ZNF845: variants seen among roughly 807,000 people sequenced by gnomAD.
ZNF845 encodes zinc finger protein 845.
In ZNF845, 59 loss-of-function variants were observed where a neutral mutation model predicts 76.1. The ratio of observed to expected loss-of-function variants is 0.78; its 90% CI spans 0.63 to 0.96. The LOEUF (loss-of-function observed/expected upper bound fraction) is 0.96. Ranked by LOEUF, ZNF845 falls within the 40% of genes least tolerant of loss-of-function variation. ZNF845 has a pLI of 0.00. For missense variants in ZNF845, 1,045 were observed against 1,172.8 expected, an observed-to-expected ratio of 0.89 and a Z score of 1.59; for synonymous variants, 361 against 386.9, an observed-to-expected ratio of 0.93 and a Z score of 0.78.
rs2085377260 is a variant in ZNF845, at chr19:53,355,270, A to T, written c.*1682A>T. On this transcript the variant is annotated 3_prime_UTR_variant, in exon 4 of 4. Coordinates refer to ENST00000458035, the MANE Select transcript of ZNF845 (RefSeq NM_138374.3). ...CAAGGAAATAATTTTTTTTTTTGAG[A>T]CAATGTCTCTCTCTGTCGCCAGGCT... is the stretch of plus-strand genomic sequence containing the variant. 1 of 151,300 alleles carries T rather than the reference A, an allele frequency of 6.6e-6. No individual in the cohort carries two copies. The highest frequency in any genetic ancestry group is 1.5e-5 in the Non-Finnish European group (1 of 67,816). 9.4% of individuals were successfully genotyped at this position (151,300 alleles called of 1,614,324 possible).
At chr19:53,346,295 A>T (rs1436993635) in intron 3 of ZNF845, 1 of 351,662 alleles carries the variant, frequency 2.8e-6, no homozygotes, top group East Asian at 1.2e-4. Flanking sequence ...CTCCCTTCTT[A>T]TTGACTTTTG....
intron 1 of ZNF845, 79 bp from the exon 2 acceptor site, chr19:53,341,156 T>C: frequency 2.4e-6 from 3 of 1,260,808 alleles, no homozygotes; most frequent in Non-Finnish European, 3.3e-6. Context: ...CAGGGTGAGG[T>C]CTCCTTTGTA....
At chr19:53,344,521 G>C (rs1489488118) in intron 2 of ZNF845, among the ~76,000 whole-genome samples, 1 of 151,956 alleles carries the variant, frequency 6.6e-6, no homozygotes, top group Non-Finnish European at 1.5e-5. Flanking sequence ...CTGGGTGACA[G>C]AGCGAGACTC....
Position 53,350,829 on chromosome 19 carries a change from A to G in ZNF845, c.154A>G (p.Lys52Glu). 6.2e-7 allele frequency: 1 copy of G among 1,613,564 alleles called. No individual in the cohort carries two copies. Among genetic ancestry groups the G allele is most frequent in the South Asian group, 1.1e-5 (1 of 90,902 alleles). Residue 52 changes from lysine (K) to glutamate (E), a missense_variant, in exon 4 of 4, where the codon AAA (lysine) becomes GAA (glutamate). Coordinates refer to ENST00000458035, the MANE Select transcript of ZNF845 (RefSeq NM_138374.3). ...TTTATATTTTCTAGATATCTCTTCC[A>G]AATGCATGATGAAGGAGTTCTCATC... is the stretch of plus-strand genomic sequence containing the variant. ...RNLVSLDISS[K>E]CMMKEFSSTA...
chr19:53,342,399 G>A (rs563057423), intron 2 of ZNF845, among the ~76,000 whole-genome samples: 3 of 152,284 alleles, frequency 2.0e-5, no homozygotes, highest in African/African-American at 7.2e-5. Flanking sequence ...TTACAGGCAT[G>A]AGCCGTGCCC....
intron 1 of ZNF845, chr19:53,341,010 C>T: frequency 2.0e-6 from 1 of 496,466 alleles, no homozygotes; most frequent in Non-Finnish European, 3.6e-6. Context: ...CCATTTCACA[C>T]TCCAGCTACA....
intron 2 of ZNF845, among the ~76,000 whole-genome samples, chr19:53,342,435 A>G (rs1379994185): frequency 3.3e-5 from 5 of 152,160 alleles, no homozygotes; most frequent in African/African-American, 9.7e-5. Context: ...TATTAAATAT[A>G]TATTTTTATA....
At position 53,353,615 on chromosome 19, in the gene ZNF845, C is replaced by T. The variant is rs746825853; in HGVS notation, c.*27C>T. On this transcript the variant is annotated 3_prime_UTR_variant, in exon 4 of 4. Transcript: ENST00000458035. ...AATATGAAGAATGTGACAAAGTTTACAGTTGTAAATCAAGTCTTGAAAGAC... is the reference window on the plus strand; with the variant it reads ...AATATGAAGAATGTGACAAAGTTTATAGTTGTAAATCAAGTCTTGAAAGAC... 3.2e-6 allele frequency: 5 copies of T among 1,549,718 alleles called. No individual in the cohort carries two copies. The East Asian group carries it at 1.2e-4, about 36-fold the overall frequency.
At chr19:53,348,113 C>A (rs1484111484) in intron 3 of ZNF845, among the ~76,000 whole-genome samples, 1 of 152,080 alleles carries the variant, frequency 6.6e-6, no homozygotes, top group Non-Finnish European at 1.5e-5. Flanking sequence ...ATCACTTGAA[C>A]CCAGGAGGTG....
At chr19:53,344,011 C>T (rs2085275893) in intron 2 of ZNF845, among the ~76,000 whole-genome samples, 1 of 151,636 alleles carries the variant, frequency 6.6e-6, no homozygotes, top group African/African-American at 2.4e-5. Context: ...GATGGAGTCT[C>T]TGTTACCCAG....
chr19:53,346,080 T>C (rs2085294379), intron 3 of ZNF845, among the ~76,000 whole-genome samples: 1 of 152,110 alleles, frequency 6.6e-6, no homozygotes. Context: ...TTGGACAACA[T>C]GTAGTTGGTT....
At chr19:53,340,762 C>T (rs1416447277) in intron 1 of ZNF845, 3 of 309,566 alleles carry the variant, frequency 9.7e-6, no homozygotes, top group Non-Finnish European at 1.2e-5. Context: ...GCCTGATCTG[C>T]CCTCCCAGGT....
rs1204767288 is a variant in ZNF845, at chr19:53,351,212, A to C, written c.537A>C (p.Arg179Ser). 1 of 1,614,090 alleles carries C rather than the reference A, an allele frequency of 6.2e-7. No individual in the cohort carries two copies. The highest frequency in any genetic ancestry group is 1.7e-5 in the Admixed American group (1 of 60,006). Residue 179 changes from arginine to serine, a missense_variant, in exon 4 of 4, where the codon AGA becomes AGC. Arg to Ser is a moderately radical substitution (Grantham distance 110). Transcript: ENST00000458035. ...CTTCGTTGGTTTCAACATCCCAAAG[A>C]ATTTCTTGTAGGCCTAAAACCCACA... ...NSASLVSTSQRISCRPKTHIS... is the reference protein window; with the variant it reads ...NSASLVSTSQSISCRPKTHIS...
chr19:53,350,146 A>C (rs1042376563), intron 3 of ZNF845, among the ~76,000 whole-genome samples: 1 of 118,650 alleles, frequency 8.4e-6, no homozygotes, highest in Non-Finnish European at 1.8e-5. Flanking sequence ...TAACTTTTTA[A>C]TTTTTTTTTC....
rs1375889014 is a variant in ZNF845 at position 53,354,172 on chromosome 19, A to C, written c.*584A>C. On this transcript the variant is annotated 3_prime_UTR_variant, in exon 4 of 4. Coordinates refer to ENST00000458035, the MANE Select transcript of ZNF845 (RefSeq NM_138374.3). ...ATCCATACTGGACAGAAATCTTACA[A>C]ATGTCATCAGTGTGGCAAGGTCTTC... The C allele has an allele frequency of 1.4e-6, 1 of 706,946 alleles. No homozygotes were observed. Among genetic ancestry groups the C allele is most frequent in the East Asian group, 5.2e-5 (1 of 19,048 alleles). The allele number at this position is 706,946 out of a possible 1,614,324, so 43.8% of individuals were successfully genotyped here. A position where few individuals can be genotyped will look rare whatever the true frequency, so the allele number is the denominator to read the frequency against.
intron 3 of ZNF845, among the ~76,000 whole-genome samples, chr19:53,349,226 T>A (rs966606952): frequency 6.6e-6 from 1 of 152,158 alleles, no homozygotes; most frequent in Admixed American, 6.5e-5. Context: ...GTAATGATCT[T>A]AACATGTATT....
At chr19:53,345,374 A>C in intron 2 of ZNF845, 132 bp from the exon 3 acceptor site, 1 of 1,551,708 alleles carries the variant, frequency 6.4e-7, no homozygotes, top group South Asian at 1.2e-5. Flanking sequence ...AATGTGGTGA[A>C]GAATCCCTTA....
At chr19:53,346,380 C>CA in intron 3 of ZNF845, 1 of 276,024 alleles carries the variant, frequency 3.6e-6, no homozygotes, top group Non-Finnish European at 6.8e-6. Context: ...GCCGGCTTCG[C>CA]TCTCGTGCTC....
At chr19:53,338,722 G>GCACA (rs796073363) in intron 1 of ZNF845, among the ~76,000 whole-genome samples, 1 of 129,390 alleles carries the variant, frequency 7.7e-6, no homozygotes, top group Non-Finnish European at 1.6e-5. Context: ...ACACACACAC[G>GCACA]CACACACACA....
Sources: gnomAD v4.1 joint callset for allele counts (sites outside exome capture counted in the v4.1 genomes callset) on GRCh38, gnomAD v4.1.1 for gene constraint, MANE v1.5 for transcripts, NCBI Gene and HGNC (gene_info 2026-07-23, HGNC 2026-07-21) for gene names.